ADARB2: variants seen among roughly 807,000 people sequenced by gnomAD.
ADARB2 encodes the protein inactive double-stranded RNA-specific editase B2.
ADARB2 carries 25 observed loss-of-function variants against 62.2 expected under a neutral mutation model. The ratio of observed to expected loss-of-function variants is 0.40; its 90% confidence interval spans 0.29 to 0.56. The LOEUF (loss-of-function observed/expected upper bound fraction) is 0.56, where lower values mean the gene tolerates loss of function less well. Among genes scored for constraint, ADARB2 ranks in the 20% least tolerant of loss-of-function variants. ADARB2 has a pLI of 0.43. For synonymous variants in ADARB2, 572 were observed against 500.8 expected (o/e 1.14, Z -1.90); for missense variants, 1,071 against 1,077.4 (o/e 0.99, Z 0.08).
chr10:1,645,442 G>A (rs1834027790), intron 1 of ADARB2, among the ~76,000 whole-genome samples: 1 of 152,214 alleles, frequency 6.6e-6, no homozygotes, highest in Non-Finnish European at 1.5e-5. Context: ...CCTAGCAGAA[G>A]TAAGGGGGAT....
At chr10:1,726,543 C>G (rs2119040396) in intron 1 of ADARB2, among the ~76,000 whole-genome samples, 1 of 152,230 alleles carries the variant, frequency 6.6e-6, no homozygotes, top group Middle Eastern at 3.4e-3. Flanking sequence ...GAGTGTGTAT[C>G]CTGCTTCACA....
intron 1 of ADARB2, among the ~76,000 whole-genome samples, chr10:1,667,434 C>T (rs552979316): frequency 6.6e-6 from 1 of 152,290 alleles, no homozygotes; most frequent in South Asian, 2.1e-4. Context: ...AAATGGGGTT[C>T]TCTGTAAATA....
intron 1 of ADARB2, among the ~76,000 whole-genome samples, chr10:1,651,599 C>T (rs1834111645): frequency 6.6e-6 from 1 of 152,274 alleles, no homozygotes; most frequent in East Asian, 1.9e-4. Flanking sequence ...AGCTGTCTTT[C>T]CCACATACAG....
chr10:1,358,054 C>CAG (rs371620862), intron 3 of ADARB2, among the ~76,000 whole-genome samples: 21 of 152,236 alleles, frequency 1.4e-4, no homozygotes, highest in African/African-American at 3.4e-4. Context: ...GAGGAAGTAA[C>CAG]AGAGAGAGAG....
At chr10:1,561,005 C>T (rs962593883) in intron 1 of ADARB2, among the ~76,000 whole-genome samples, 1 of 152,180 alleles carries the variant, frequency 6.6e-6, no homozygotes, top group Non-Finnish European at 1.5e-5. Context: ...GATCCTCACT[C>T]ACCGTCCAAC....
At chr10:1,671,224 C>T (rs1345926280) in intron 1 of ADARB2, among the ~76,000 whole-genome samples, 2 of 152,180 alleles carry the variant, frequency 1.3e-5, no homozygotes, top group Non-Finnish European at 2.9e-5. Flanking sequence ...CTCATGATCT[C>T]GCCCCCACCC....
In ADARB2 at chr10:1,592,303, C is replaced by T. The variant is rs1371407186; in HGVS notation, c.100+144748G>A. ...TAGGTCTCCTCTCTGGCATGGTCCC[C>T]TCTGTCACCCAGCTTCCCTCGCCCA... On this transcript the variant is annotated intron_variant, in intron 1 of 9. Coordinates refer to ENST00000381312, the MANE Select transcript of ADARB2 (RefSeq NM_018702.4). 2.0e-5 allele frequency among the ~76,000 whole-genome samples: 3 copies of T among 151,336 alleles called. No homozygotes were observed. In the South Asian group the frequency reaches 6.2e-4, roughly 31 times the overall value.
intron 1 of ADARB2, among the ~76,000 whole-genome samples, chr10:1,676,695 A>G (rs1282641296): frequency 6.6e-6 from 1 of 152,212 alleles, no homozygotes; most frequent in Non-Finnish European, 1.5e-5. Flanking sequence ...TTTAATGGGA[A>G]TGAAAGAAGA....
chr10:1,558,173 C>G (rs1008450456), intron 1 of ADARB2, among the ~76,000 whole-genome samples: 10 of 152,054 alleles, frequency 6.6e-5, no homozygotes, highest in Non-Finnish European at 1.2e-4. Flanking sequence ...GCCTGGGCAC[C>G]GTCTCCCCGG....
At chr10:1,214,698 C>G (rs910150974) in intron 7 of ADARB2, among the ~76,000 whole-genome samples, 3 of 152,266 alleles carry the variant, frequency 2.0e-5, no homozygotes, top group African/African-American at 7.2e-5. Context: ...AAACCCAATG[C>G]TATCTTAGGG....
intron 7 of ADARB2, among the ~76,000 whole-genome samples, chr10:1,214,056 G>A (rs911896904): frequency 6.0e-5 from 9 of 150,586 alleles, no homozygotes; most frequent in Admixed American, 2.7e-4. Flanking sequence ...ACCTGTACCC[G>A]GACCTGCCGG....
chr10:1,648,412 G>A (rs952231658), intron 1 of ADARB2, among the ~76,000 whole-genome samples: 2 of 152,076 alleles, frequency 1.3e-5, no homozygotes, highest in Non-Finnish European at 1.5e-5. Flanking sequence ...CTTCATAAAC[G>A]GAATGAACTC....
At chr10:1,485,994 C>G (rs932534376) in intron 1 of ADARB2, among the ~76,000 whole-genome samples, 6 of 152,198 alleles carry the variant, frequency 3.9e-5, no homozygotes, top group African/African-American at 1.4e-4. Flanking sequence ...GAATTAAAAT[C>G]TATTTCAGCT....
At chr10:1,402,539 C>T (rs1187732104) in intron 1 of ADARB2, among the ~76,000 whole-genome samples, 1 of 152,154 alleles carries the variant, frequency 6.6e-6, no homozygotes, top group Non-Finnish European at 1.5e-5. Flanking sequence ...TGTGAATTCT[C>T]AAATATGTGA....
At position 1,441,226 on chromosome 10, in the gene ADARB2, T is replaced by A. The variant is rs549959721; in HGVS notation, c.101-62066A>T. ...TATCCTAGATTCCTTGGGAAAAAAA[T>A]AGAAAAAATATGTCTAGCAAAATCT... On this transcript the variant is annotated intron_variant, in intron 1 of 9. Transcript: ENST00000381312. Among the ~76,000 whole-genome samples the A allele has an allele frequency of 4.6e-5, 7 of 152,244 alleles. No homozygotes were observed. In the South Asian group the frequency reaches 1.5e-3, roughly 32 times the overall value.
chr10:1,551,265 TCTGA>T (rs1363623578), intron 1 of ADARB2, among the ~76,000 whole-genome samples: 2 of 152,140 alleles, frequency 1.3e-5, no homozygotes, highest in Non-Finnish European at 2.9e-5. Flanking sequence ...TTCCAGCCTC[TCTGA>T]CTGTGACAAC....
At position 1,233,757 on chromosome 10, in the gene ADARB2, A is replaced by G; in HGVS notation, c.1450T>C (p.Tyr484His). Reference sequence around the variant, plus strand: ...TCTCCACAGGGGGAGGTGCTCACGTAGAGATGGAAGAGGATGTTCTCTCGC... The same window carrying G: ...TCTCCACAGGGGGAGGTGCTCACGTGGAGATGGAAGAGGATGTTCTCTCGC... ...RLRENILFHL[Y>H]VSTSPCGDAR... Residue 484 changes from tyrosine (Y) to histidine (H), a missense_variant, in exon 6 of 10, where the codon TAC becomes CAC. Tyr to His is a moderately conservative substitution (Grantham distance 83). Transcript: ENST00000381312. 1 of 1,613,896 alleles carries G rather than the reference A, an allele frequency of 6.2e-7. No individual in the cohort carries two copies. The highest frequency in any genetic ancestry group is 8.5e-7 in the Non-Finnish European group (1 of 1,179,910).
intron 1 of ADARB2, among the ~76,000 whole-genome samples, chr10:1,470,493 T>C (rs370698698): frequency 1.3e-5 from 2 of 152,086 alleles, no homozygotes; most frequent in African/African-American, 4.8e-5. Context: ...AAAATGAAAA[T>C]TGGCAACTCA....
At chr10:1,222,619 C>T (rs199909042) in intron 6 of ADARB2, among the ~76,000 whole-genome samples, 44,645 of 144,644 alleles carry the variant, frequency 0.31, 7,859 homozygotes, top group South Asian at 0.46. Context: ...GATCCAGTTT[C>T]AGCTTTCTAC....
Sources: allele counts gnomAD v4.1 joint callset (sites outside exome capture counted in the v4.1 genomes callset), GRCh38; gene constraint gnomAD v4.1.1; transcripts MANE v1.5; gene names NCBI Gene and HGNC (gene_info 2026-07-23, HGNC 2026-07-21).